The following UNC93A variants were observed in gnomAD, a reference collection of about 807,000 sequenced individuals.
UNC93A encodes N-acetylglucosamine transporter UNC93A.
A neutral mutation model predicts 47.5 loss-of-function variants in UNC93A; 43 were observed. The ratio of observed to expected loss-of-function variants is 0.91; its 90% CI spans 0.71 to 1.17. The LOEUF is 1.17. Among genes scored for constraint, UNC93A ranks in the 50% most tolerant of loss-of-function variants. UNC93A has a pLI of 0.00. For missense variants in UNC93A, 605 were observed against 577.6 expected (o/e 1.05, Z -0.49); for synonymous variants, 280 against 258.0 (o/e 1.09, Z -0.82).
chr6:167,271,250 G>T (rs939905514), exon 1 of UNC93A: 21 of 152,352 alleles, frequency 1.4e-4, no homozygotes, highest in Non-Finnish European at 2.5e-4. Context: ...TCATTAGGCA[G>T]CAAGGGAGGG....
At chr6:167,286,058 C>T (rs892462991) in intron 1 of UNC93A, among the ~76,000 whole-genome samples, 1 of 145,162 alleles carries the variant, frequency 6.9e-6, no homozygotes, top group African/African-American at 2.8e-5. Flanking sequence ...TTTATATTCA[C>T]ATATGGCTAT....
At chr6:167,286,203 A>T (rs1475309002) in intron 1 of UNC93A, among the ~76,000 whole-genome samples, 1 of 146,410 alleles carries the variant, frequency 6.8e-6, no homozygotes, top group Non-Finnish European at 1.5e-5. Flanking sequence ...TTCTCCCTTC[A>T]TCATATCGAG....
At chr6:167,298,095 A>G (rs770816112) in intron 4 of UNC93A, 25 bp downstream of exon 4, 2 of 1,609,146 alleles carry the variant, frequency 1.2e-6, no homozygotes, top group South Asian at 2.2e-5. Flanking sequence ...GGCCCAGGGC[A>G]GGGTCCCTAG....
Position 167,296,279 on chromosome 6 carries a change from A to G in UNC93A, c.499+18A>G. On this transcript the variant is annotated intron_variant, in intron 3 of 7. Coordinates refer to ENST00000230256, the MANE Select transcript of UNC93A (RefSeq NM_018974.4). ...CAGCCAAGGTAAAAGGAAAAGGGGC[A>G]AGCAATTGTCTCCAAGTGGAGCAGG... 1 of 1,612,952 alleles carries G rather than the reference A, an allele frequency of 6.2e-7. No homozygotes were observed. The highest frequency in any genetic ancestry group is 8.5e-7 in the Non-Finnish European group (1 of 1,178,954).
chr6:167,298,291 G>A, intron 4 of UNC93A: 1 of 551,584 alleles, frequency 1.8e-6, no homozygotes. Context: ...TGATGAGATT[G>A]TTATACATCT....
chr6:167,293,985 CGTCCCTG>C (rs1777972173), intron 1 of UNC93A, among the ~76,000 whole-genome samples: 2 of 152,328 alleles, frequency 1.3e-5, no homozygotes, highest in Admixed American at 1.3e-4. Flanking sequence ...ACGAGGGCCA[CGTCCCTG>C]GTCCATTCTC....
intron 4 of UNC93A, among the ~76,000 whole-genome samples, chr6:167,301,344 G>A (rs1009593): frequency 8.6e-5 from 13 of 151,996 alleles, no homozygotes; most frequent in Admixed American, 4.6e-4. Flanking sequence ...ATGAAGAAGT[G>A]GTCTTACTAT....
At chr6:167,278,408 C>A (rs1045911152) in intron 1 of UNC93A, among the ~76,000 whole-genome samples, 1 of 152,276 alleles carries the variant, frequency 6.6e-6, no homozygotes, top group South Asian at 2.1e-4. Flanking sequence ...CAAAGCTGCA[C>A]GGTGGGTGCA....
At position 167,315,174 on chromosome 6, in the gene UNC93A, C is replaced by G; in HGVS notation, c.1109-13C>G. The G allele has an allele frequency of 6.2e-7, 1 of 1,613,182 alleles. No individual in the cohort carries two copies. Among genetic ancestry groups the G allele is most frequent in the Middle Eastern group, 1.8e-4 (1 of 5,578 alleles). On this transcript the variant is annotated splice_polypyrimidine_tract_variant and intron_variant, in intron 7 of 7. Coordinates refer to ENST00000230256, the MANE Select transcript of UNC93A (RefSeq NM_018974.4). ...CCCATGGCAGAGCTCTCACTCCGCT[C>G]TCTCCTCTGCAGCTCTCTACGGCGT...
intron 1 of UNC93A, among the ~76,000 whole-genome samples, chr6:167,278,288 C>T (rs554397026): frequency 1.3e-4 from 20 of 152,320 alleles, no homozygotes; most frequent in African/African-American, 4.8e-4. Flanking sequence ...ATGCCAATTG[C>T]AGTCAGTAGC....
At chr6:167,298,380 C>G (rs1778150449) in intron 4 of UNC93A, 1 of 202,758 alleles carries the variant, frequency 4.9e-6, no homozygotes. Flanking sequence ...CCTAAGTCTC[C>G]CAGCCACACT....
rs1778668866 is a variant in UNC93A at position 167,315,437 on chromosome 6, A to G, written c.1359A>G (p.Ile453Met). 6.2e-7 allele frequency: 1 copy of G among 1,613,880 alleles called. No homozygotes were observed. The highest frequency in any genetic ancestry group is 1.7e-5 in the Admixed American group (1 of 59,998). Residue 453 changes from isoleucine to methionine, a missense_variant, in exon 8 of 8, where the codon ATA (isoleucine) becomes ATG (methionine). By Grantham distance (10) the Ile-to-Met change is conservative (BLOSUM62 1). Coordinates refer to ENST00000230256, the MANE Select transcript of UNC93A (RefSeq NM_018974.4). ...TCAACCAGGCAGAGGATGAAGAAAT[A>G]CAAACAAAAATGTGAGAGCAGTGAG... Reference protein sequence around the residue: ...GQVNQAEDEEIQTKM With the variant: ...GQVNQAEDEEMQTKM
chr6:167,274,012 C>T (rs1783496769), intron 1 of UNC93A, among the ~76,000 whole-genome samples: 1 of 152,082 alleles, frequency 6.6e-6, no homozygotes, highest in African/African-American at 2.4e-5. Flanking sequence ...GGAAAGGGAA[C>T]AGGATTTTCT....
chr6:167,280,464 G>T (rs1028174963), intron 1 of UNC93A, among the ~76,000 whole-genome samples: 6 of 152,206 alleles, frequency 3.9e-5, no homozygotes, highest in African/African-American at 1.4e-4. Context: ...TATCCTTGAG[G>T]TTTCTCTTCA....
intron 6 of UNC93A, among the ~76,000 whole-genome samples, chr6:167,307,544 C>T (rs1195816003): frequency 2.7e-5 from 4 of 149,036 alleles, no homozygotes; most frequent in Admixed American, 2.7e-4. Flanking sequence ...ATGGTTGAGA[C>T]AGTTGAGATG....
At chr6:167,274,924 C>A (rs1021334235) in intron 1 of UNC93A, among the ~76,000 whole-genome samples, 1 of 152,184 alleles carries the variant, frequency 6.6e-6, no homozygotes, top group East Asian at 1.9e-4. Flanking sequence ...TTCTTCCAGA[C>A]AAATACGTCT....
intron 1 of UNC93A, among the ~76,000 whole-genome samples, chr6:167,276,155 G>C (rs1254659325): frequency 6.7e-6 from 1 of 149,076 alleles, no homozygotes; most frequent in Non-Finnish European, 1.5e-5. Flanking sequence ...CTTGTCCCCA[G>C]TTCCATTCAT....
chr6:167,303,771 TA>T (rs1431915828), intron 4 of UNC93A, 147 bp from the exon 5 acceptor site: 2 of 708,898 alleles, frequency 2.8e-6, no homozygotes, highest in Admixed American at 2.5e-5. Flanking sequence ...CTGAGATCCT[TA>T]AGCATGTTGT....
intron 1 of UNC93A, among the ~76,000 whole-genome samples, chr6:167,285,850 G>A (rs1351321709): frequency 6.6e-6 from 1 of 151,242 alleles, no homozygotes; most frequent in African/African-American, 2.4e-5. Context: ...TTAAAGTATA[G>A]AAGTAGTATA....
Sources: allele counts gnomAD v4.1 joint callset (sites outside exome capture counted in the v4.1 genomes callset), GRCh38; gene constraint gnomAD v4.1.1; transcripts MANE v1.5; gene names NCBI Gene and HGNC (gene_info 2026-07-23, HGNC 2026-07-21).